The following NRG3 variants were observed in gnomAD, a reference collection of about 807,000 sequenced individuals.
NRG3 encodes neuregulin 3.
Under a neutral mutation model 66.9 loss-of-function variants are expected in NRG3, and 31 were observed. The ratio of observed to expected loss-of-function variants is 0.46; its 90% CI spans 0.35 to 0.63. NRG3 has a LOEUF of 0.63. NRG3 is among the 20% of genes least tolerant of loss of function. The pLI is 0.00. For synonymous variants in NRG3, 393 were observed against 359.4 expected, an observed-to-expected ratio of 1.09 and a Z score of -1.06; for missense variants, 910 against 878.9, an observed-to-expected ratio of 1.04 and a Z score of -0.45.
At chr10:82,699,436 A>G (rs1252385274) in intron 2 of NRG3, among the ~76,000 whole-genome samples, 1 of 152,150 alleles carries the variant, frequency 6.6e-6, no homozygotes, top group East Asian at 1.9e-4. Flanking sequence ...TTCTTTAGCT[A>G]CAGGCAAAGA....
At chr10:82,135,760 G>C (rs1002886187) in intron 1 of NRG3, among the ~76,000 whole-genome samples, 1 of 151,924 alleles carries the variant, frequency 6.6e-6, no homozygotes, top group African/African-American at 2.4e-5. Context: ...CTTGAATTTT[G>C]TCAAGCTTCC....
chr10:82,169,650 CCTAT>C (rs970567962), intron 1 of NRG3, among the ~76,000 whole-genome samples: 4 of 151,484 alleles, frequency 2.6e-5, no homozygotes, highest in African/African-American at 4.8e-5. Context: ...CTTTATTTCA[CCTAT>C]CTTTCTTATA....
chr10:82,024,711 T>G (rs1010220221), intron 1 of NRG3, among the ~76,000 whole-genome samples: 1 of 152,054 alleles, frequency 6.6e-6, no homozygotes, highest in Non-Finnish European at 1.5e-5. Flanking sequence ...GTGTCTGGAA[T>G]GGAGTGCACT....
intron 1 of NRG3, among the ~76,000 whole-genome samples, chr10:82,261,503 G>A (rs934762930): frequency 1.3e-5 from 2 of 152,180 alleles, no homozygotes; most frequent in Non-Finnish European, 2.9e-5. Context: ...AGCGGCGCTA[G>A]AGGAATTAAA....
chr10:81,882,924 T>G (rs184093413), intron 1 of NRG3, among the ~76,000 whole-genome samples: 1 of 152,282 alleles, frequency 6.6e-6, no homozygotes, highest in East Asian at 1.9e-4. Context: ...TGGAAGGTGT[T>G]TTTTAAAGCC....
At chr10:81,946,577 G>A (rs367572385) in intron 1 of NRG3, among the ~76,000 whole-genome samples, 7 of 152,180 alleles carry the variant, frequency 4.6e-5, no homozygotes, top group African/African-American at 1.7e-4. Context: ...GTAAGTTTTT[G>A]GTTTTCTGTA....
chr10:82,607,959 T>A (rs1475542342), intron 2 of NRG3, among the ~76,000 whole-genome samples: 1 of 152,184 alleles, frequency 6.6e-6, no homozygotes, highest in Admixed American at 6.6e-5. Flanking sequence ...GCCATTATTA[T>A]CTTGACAAAC....
intron 1 of NRG3, among the ~76,000 whole-genome samples, chr10:82,200,016 GA>G (rs1269534997): frequency 3.3e-5 from 5 of 151,600 alleles, no homozygotes; most frequent in Admixed American, 3.3e-4. Flanking sequence ...ATCCTTATCC[GA>G]AAAATGTACA....
At chr10:82,981,145 A>G (rs1049991021) in intron 8 of NRG3, among the ~76,000 whole-genome samples, 1 of 152,140 alleles carries the variant, frequency 6.6e-6, no homozygotes, top group Non-Finnish European at 1.5e-5. Context: ...AAGCTTGAAC[A>G]ATGCACATAT....
At chr10:82,775,006 T>C (rs2059856989) in intron 3 of NRG3, among the ~76,000 whole-genome samples, 1 of 151,784 alleles carries the variant, frequency 6.6e-6, no homozygotes, top group South Asian at 2.1e-4. Flanking sequence ...TTTGTATTTT[T>C]AGTAGAGACA....
intron 2 of NRG3, among the ~76,000 whole-genome samples, chr10:82,455,794 A>G (rs2091241740): frequency 6.6e-6 from 1 of 151,292 alleles, no homozygotes. Flanking sequence ...TTGTTTTTGT[A>G]TTTTTAGTAG....
intron 2 of NRG3, among the ~76,000 whole-genome samples, chr10:82,585,012 G>T (rs534668555): frequency 1.0e-4 from 15 of 149,540 alleles, no homozygotes; most frequent in South Asian, 2.1e-4. Context: ...TGTCTTTTTT[G>T]GGGGGGGAAC....
intron 1 of NRG3, among the ~76,000 whole-genome samples, chr10:82,347,632 C>G (rs2083117371): frequency 6.6e-6 from 1 of 152,024 alleles, no homozygotes; most frequent in Non-Finnish European, 1.5e-5. Flanking sequence ...TGTTGACTTT[C>G]TGTCTCATTG....
At chr10:82,178,249 A>G (rs1293890242) in intron 1 of NRG3, among the ~76,000 whole-genome samples, 2 of 152,170 alleles carry the variant, frequency 1.3e-5, no homozygotes, top group Non-Finnish European at 2.9e-5. Flanking sequence ...ATAAAATAAA[A>G]TTTCCCCTTT....
chr10:82,143,887 G>T (rs1649969), intron 1 of NRG3, among the ~76,000 whole-genome samples: 7 of 151,712 alleles, frequency 4.6e-5, no homozygotes, highest in Non-Finnish European at 7.4e-5. Context: ...AAAATTAGCA[G>T]GGCATGGTGG....
intron 2 of NRG3, among the ~76,000 whole-genome samples, chr10:82,590,958 C>T (rs576698994): frequency 2.6e-5 from 4 of 152,296 alleles, no homozygotes; most frequent in South Asian, 2.1e-4. Flanking sequence ...AGTCATTGCC[C>T]ATTCCATCAA....
intron 1 of NRG3, among the ~76,000 whole-genome samples, chr10:82,353,410 G>C (rs576819687): frequency 3.3e-5 from 5 of 152,082 alleles, no homozygotes; most frequent in Non-Finnish European, 7.4e-5. Flanking sequence ...GGGGATTTCT[G>C]TCTTCCAACC....
chr10:82,653,166 G>A (rs2051565352), intron 2 of NRG3, among the ~76,000 whole-genome samples: 1 of 152,176 alleles, frequency 6.6e-6, no homozygotes, highest in African/African-American at 2.4e-5. Context: ...ATACCTCTTG[G>A]CAGAAAGACA....
intron 1 of NRG3, among the ~76,000 whole-genome samples, chr10:82,248,655 G>C (rs2077354109): frequency 6.6e-6 from 1 of 152,168 alleles, no homozygotes; most frequent in Non-Finnish European, 1.5e-5. Flanking sequence ...CCCTTGGTAA[G>C]TGCAACATAA....
Sources: allele counts gnomAD v4.1 joint callset (sites outside exome capture counted in the v4.1 genomes callset), GRCh38; gene constraint gnomAD v4.1.1; transcripts MANE v1.5; gene names NCBI Gene and HGNC (gene_info 2026-07-23, HGNC 2026-07-21).